PRKN: variants seen among roughly 807,000 people sequenced by gnomAD.
PRKN encodes E3 ubiquitin-protein ligase parkin.
In PRKN, 56 loss-of-function variants were observed where a neutral mutation model predicts 59.5. The observed-to-expected ratio is 0.94, with a 90% CI of 0.76 to 1.18. The LOEUF is 1.18. Ranked by LOEUF, PRKN falls within the 50% of genes most tolerant of loss-of-function variation. PRKN has a pLI of 0.00. For synonymous variants in PRKN, 250 were observed against 222.1 expected (o/e 1.13, Z -1.12); for missense variants, 657 against 596.4 (o/e 1.10, Z -1.06).
intron 4 of PRKN, among the ~76,000 whole-genome samples, chr6:162,188,051 T>C (rs1784104834): frequency 6.6e-6 from 1 of 152,132 alleles, no homozygotes; most frequent in Non-Finnish European, 1.5e-5. Flanking sequence ...GATCTGATCA[T>C]TTTAAAAAGA....
intron 4 of PRKN, among the ~76,000 whole-genome samples, chr6:162,196,270 C>T (rs1033829075): frequency 5.3e-5 from 8 of 151,980 alleles, no homozygotes; most frequent in Non-Finnish European, 1.5e-5. Context: ...CCTTACCAGC[C>T]CAGTCAAAAT....
At chr6:161,983,873 A>T (rs1355928051) in intron 5 of PRKN, among the ~76,000 whole-genome samples, 1 of 122,902 alleles carries the variant, frequency 8.1e-6, no homozygotes. Flanking sequence ...AACCTGCACA[A>T]TGTGCACATG....
chr6:161,532,174 A>C (rs764683089), intron 9 of PRKN, among the ~76,000 whole-genome samples: 14,462 of 80,156 alleles, frequency 0.18, 969 homozygotes, highest in African/African-American at 0.29. Flanking sequence ...CTCTATATAT[A>C]TATATATATA....
At chr6:162,592,556 G>T (rs571941821) in intron 1 of PRKN, among the ~76,000 whole-genome samples, 2 of 152,244 alleles carry the variant, frequency 1.3e-5, no homozygotes, top group South Asian at 4.1e-4. Context: ...TCACCTGCCT[G>T]CTTCCAAACA....
chr6:161,952,587 C>T (rs1780029931), intron 6 of PRKN, among the ~76,000 whole-genome samples: 1 of 152,146 alleles, frequency 6.6e-6, no homozygotes. Context: ...TCATTATACT[C>T]AAGACTGGGT....
intron 6 of PRKN, among the ~76,000 whole-genome samples, chr6:161,930,697 G>A (rs60967831): frequency 0.041 from 6,178 of 152,290 alleles, 396 homozygotes; most frequent in African/African-American, 0.14. Flanking sequence ...ACATGGCAAG[G>A]GGAAATCAAA....
intron 1 of PRKN, among the ~76,000 whole-genome samples, chr6:162,675,903 C>T (rs558033824): frequency 6.6e-6 from 1 of 152,088 alleles, no homozygotes; most frequent in African/African-American, 2.4e-5. Flanking sequence ...GGAATACTGA[C>T]TTATACACAA....
chr6:162,003,626 G>A (rs1484622952), intron 5 of PRKN, among the ~76,000 whole-genome samples: 2 of 151,934 alleles, frequency 1.3e-5, no homozygotes, highest in African/African-American at 2.4e-5. Context: ...TCTGAAAGAG[G>A]GTATTCGTTC....
rs372055684 is a variant in PRKN at position 162,158,579 on chromosome 6, G to C, written c.534+42552C>G. Among the ~76,000 whole-genome samples, 22 of 152,040 alleles carry C rather than the reference G, an allele frequency of 1.4e-4. 2 individuals are homozygous for C. In the South Asian group the frequency reaches 4.6e-3, roughly 32 times the overall value. On this transcript the variant is annotated intron_variant, in intron 4 of 11. Transcript: ENST00000366898. ...CCAGAGTAGCTGGGACTACACTTGT[G>C]CACCAGCACGCCTGGCTAATTTTTT...
chr6:162,553,300 G>A (rs924477463), intron 1 of PRKN, among the ~76,000 whole-genome samples: 3 of 152,082 alleles, frequency 2.0e-5, no homozygotes, highest in Non-Finnish European at 4.4e-5. Flanking sequence ...AAGAAAGTGA[G>A]TGCTCTTGGT....
intron 1 of PRKN, among the ~76,000 whole-genome samples, chr6:162,703,444 A>G (rs1778228862): frequency 6.6e-6 from 1 of 152,336 alleles, no homozygotes; most frequent in East Asian, 1.9e-4. Context: ...AAACAGATTG[A>G]TATTTCTAAA....
intron 2 of PRKN, among the ~76,000 whole-genome samples, chr6:162,278,860 A>G (rs1429881174): frequency 1.3e-5 from 2 of 151,952 alleles, no homozygotes; most frequent in Non-Finnish European, 2.9e-5. Flanking sequence ...GGAAGGTGTG[A>G]GTGAGGGAGA....
intron 3 of PRKN, among the ~76,000 whole-genome samples, chr6:162,244,192 T>C (rs1412262018): frequency 6.6e-6 from 1 of 152,132 alleles, no homozygotes; most frequent in Admixed American, 6.6e-5. Flanking sequence ...AACATCAGTG[T>C]ACCTTAAATT....
chr6:161,889,039 C>T (rs1473334659), intron 6 of PRKN, among the ~76,000 whole-genome samples: 1 of 152,060 alleles, frequency 6.6e-6, no homozygotes, highest in Non-Finnish European at 1.5e-5. Flanking sequence ...ACCTAAACTT[C>T]AAGTTTATTT....
intron 9 of PRKN, among the ~76,000 whole-genome samples, chr6:161,464,693 C>A (rs1790370234): frequency 6.6e-6 from 1 of 152,126 alleles, no homozygotes; most frequent in Non-Finnish European, 1.5e-5. Flanking sequence ...CATTAGCAGA[C>A]AAATAGAAAA....
chr6:162,265,022 T>C (rs901302817), intron 2 of PRKN, among the ~76,000 whole-genome samples: 15 of 152,174 alleles, frequency 9.9e-5, no homozygotes, highest in African/African-American at 3.6e-4. Context: ...CCACATCTGA[T>C]ATCGCCATAC....
chr6:161,820,636 T>C (rs1042535108), intron 6 of PRKN, among the ~76,000 whole-genome samples: 1 of 147,934 alleles, frequency 6.8e-6, no homozygotes, highest in Non-Finnish European at 1.5e-5. Flanking sequence ...ATGCAAATAT[T>C]TATAAAAATA....
intron 9 of PRKN, among the ~76,000 whole-genome samples, chr6:161,494,360 C>T (rs1292626356): frequency 6.6e-6 from 1 of 152,156 alleles, no homozygotes; most frequent in Middle Eastern, 3.2e-3. Context: ...TTCTCCATCA[C>T]CATGTTATCA....
In PRKN at chr6:162,180,002, GTGTGTA is replaced by G. The variant is rs1363738615; in HGVS notation, c.534+21123_534+21128del. ...TGTGTGTGTGTGTGTGTGTGTGTGT[GTGTGTA>G]TGTGTGTAGCAAAGTCTACATCCTA... On this transcript the variant is annotated intron_variant, in intron 4 of 11. Coordinates refer to ENST00000366898, the MANE Select transcript of PRKN (RefSeq NM_004562.3). Among the ~76,000 whole-genome samples, 442 of 144,594 alleles carry G rather than the reference GTGTGTA, an allele frequency of 3.1e-3. 3 individuals are homozygous for G. The highest frequency in any genetic ancestry group is 0.011 in the African/African-American group (411 of 38,676). 94.9% of individuals were successfully genotyped at this position (144,594 alleles called of 152,430 possible).
Sources: gnomAD v4.1 joint callset for allele counts (sites outside exome capture counted in the v4.1 genomes callset) on GRCh38, gnomAD v4.1.1 for gene constraint, MANE v1.5 for transcripts, NCBI Gene and HGNC (gene_info 2026-07-23, HGNC 2026-07-21) for gene names.